The following PARVB variants were observed in gnomAD, a reference collection of about 807,000 sequenced individuals.
The protein encoded by PARVB is parvin beta.
Under a neutral mutation model 47.0 loss-of-function variants are expected in PARVB, and 46 were observed. That is an observed-to-expected ratio of 0.98 (90% CI 0.77 to 1.25). The LOEUF (loss-of-function observed/expected upper bound fraction) is 1.25, where lower values mean the gene tolerates loss of function less well. Among genes scored for constraint, PARVB ranks in the 50% most tolerant of loss-of-function variants. PARVB has a pLI of 0.00. For missense variants in PARVB, 473 were observed against 471.6 expected, an observed-to-expected ratio of 1.00 and a Z score of -0.03; for synonymous variants, 196 against 196.3, an observed-to-expected ratio of 1.00 and a Z score of 0.01.
At chr22:44,031,579 C>T (rs2146894179) in intron 1 of PARVB, 1 of 152,110 alleles carries the variant, frequency 6.6e-6, no homozygotes, top group Admixed American at 6.5e-5. Context: ...AGGGCAGGTT[C>T]TCGGTGGTTC....
At chr22:44,167,085 C>T (rs1485542921) in intron 12 of PARVB, among the ~76,000 whole-genome samples, 1 of 152,194 alleles carries the variant, frequency 6.6e-6, no homozygotes, top group Non-Finnish European at 1.5e-5. Flanking sequence ...GCCAGGCCTG[C>T]ACCTGGTTCC....
intron 2 of PARVB, among the ~76,000 whole-genome samples, chr22:44,016,868 CA>C (rs2050588681): frequency 6.6e-6 from 1 of 151,976 alleles, no homozygotes; most frequent in African/African-American, 2.4e-5. Flanking sequence ...TTTACTTCCC[CA>C]TTTTATTTTA....
chr22:44,007,323 G>A lies in PARVB; in HGVS notation c.211+7650G>A, dbSNP rs539814290. ...TCCTCCGAGAAGCCCATCCTTTCCC[G>A]TGCTGCTTTGCAGTTTAGCATGGGG... On this transcript the variant is annotated intron_variant, in intron 2 of 13. Coordinates refer to the PARVB transcript ENST00000406477. Among the ~76,000 whole-genome samples, 9 of 152,304 alleles carry A rather than the reference G, an allele frequency of 5.9e-5. No homozygotes were observed. In the East Asian group the frequency reaches 7.7e-4, roughly 13 times the overall value.
At chr22:44,040,145 CA>C (rs2050992663) in intron 1 of PARVB, among the ~76,000 whole-genome samples, 1 of 152,072 alleles carries the variant, frequency 6.6e-6, no homozygotes. Flanking sequence ...CAGCATTTGT[CA>C]AAACTCTGCA....
chr22:44,098,803 C>T (rs1022647853), intron 2 of PARVB, among the ~76,000 whole-genome samples: 1 of 152,062 alleles, frequency 6.6e-6, no homozygotes, highest in Non-Finnish European at 1.5e-5. Context: ...AAGCCATTTT[C>T]TTTCTTTCTT....
At position 44,054,864 on chromosome 22, in the gene PARVB, C is replaced by T. The variant is rs1470998545; in HGVS notation, c.112+30413C>T. 2.0e-5 allele frequency among the ~76,000 whole-genome samples: 3 copies of T among 151,594 alleles called. No individual in the cohort carries two copies. The East Asian group carries it at 5.8e-4, about 30-fold the overall frequency. The stretch of plus-strand genomic sequence containing the variant: ...AATTAGCCGGGTGTGGTGGTGGGCG[C>T]CTGTAATCCCAGCTGCTCGGGAGGC... On this transcript the variant is annotated intron_variant, in intron 1 of 12. Transcript: ENST00000338758.
In PARVB at chr22:44,172,799, G is replaced by C. The variant is rs1390679297; in HGVS notation, c.*4121G>C. 6 of 360,412 alleles carry C rather than the reference G, an allele frequency of 1.7e-5. No homozygotes were observed. The highest frequency in any genetic ancestry group is 5.0e-6 in the Non-Finnish European group (1 of 199,240). The allele number at this position is 360,412 out of a possible 1,614,324, so 22.3% of individuals were successfully genotyped here. ...GCCATGCTGTTTGTCAGGCCCACCT[G>C]GCTGAGTGCAGGAAGCAAGCGCTTT... is the stretch of plus-strand genomic sequence containing the variant. On this transcript the variant is annotated 3_prime_UTR_variant, in exon 13 of 13. Transcript: ENST00000338758.
chr22:44,025,312 G>A (rs1230610595), intron 1 of PARVB, among the ~76,000 whole-genome samples: 5 of 152,090 alleles, frequency 3.3e-5, no homozygotes, highest in Admixed American at 3.3e-4. Flanking sequence ...TATCCCCTGG[G>A]AACTCTTCCT....
At chr22:44,084,517 T>A (rs738482) in intron 1 of PARVB, among the ~76,000 whole-genome samples, 3 of 152,108 alleles carry the variant, frequency 2.0e-5, no homozygotes, top group African/African-American at 7.2e-5. Context: ...CACTGGCCAA[T>A]CCAAGAATAG....
intron 7 of PARVB, chr22:44,139,109 T>A (rs2053498950): frequency 6.6e-6 from 1 of 152,260 alleles, no homozygotes; most frequent in African/African-American, 2.4e-5. Flanking sequence ...CCTGGCCTCG[T>A]GGTTCTCCAG....
chr22:44,093,005 C>T (rs960721067), intron 1 of PARVB, among the ~76,000 whole-genome samples: 5 of 152,242 alleles, frequency 3.3e-5, no homozygotes, highest in Non-Finnish European at 7.3e-5. Flanking sequence ...TCAGGGACTG[C>T]TCCCCAGCGG....
At chr22:44,064,325 A>T (rs1248634643) in intron 1 of PARVB, among the ~76,000 whole-genome samples, 1 of 152,190 alleles carries the variant, frequency 6.6e-6, no homozygotes, top group East Asian at 1.9e-4. Flanking sequence ...TAACACAGGC[A>T]TGCGCCGTGC....
intron 11 of PARVB, among the ~76,000 whole-genome samples, chr22:44,159,172 T>C (rs948361476): frequency 1.8e-4 from 27 of 152,220 alleles, no homozygotes; most frequent in African/African-American, 6.3e-4. Flanking sequence ...ATCCTGGAAA[T>C]GAAAGGTCAG....
rs756743540 is a variant in PARVB, at chr22:44,119,026, C to T, written c.274-12C>T. 5.4e-5 allele frequency: 86 copies of T among 1,596,018 alleles called. No homozygotes were observed. The highest frequency in any genetic ancestry group is 6.7e-5 in the African/African-American group (5 of 74,576). ...TGGTGGACTGAGGCCATAATGCCTG[C>T]GTCTCCTGCAGGTCCTCCTCGACTG... On this transcript the variant is annotated splice_polypyrimidine_tract_variant and intron_variant, in intron 3 of 12. Transcript: ENST00000338758.
At chr22:44,038,377 G>T (rs1489359762) in intron 1 of PARVB, among the ~76,000 whole-genome samples, 1 of 152,174 alleles carries the variant, frequency 6.6e-6, no homozygotes, top group Non-Finnish European at 1.5e-5. Context: ...TGTGACCCTG[G>T]GGAAGGTACT....
At chr22:44,042,751 C>G (rs1744089788) in intron 1 of PARVB, among the ~76,000 whole-genome samples, 1 of 152,102 alleles carries the variant, frequency 6.6e-6, no homozygotes, top group Non-Finnish European at 1.5e-5. Context: ...TATTTTGTTT[C>G]TTTGCTTGGG....
At position 44,087,846 on chromosome 22, in the gene PARVB, G is replaced by GTTTTTTTT. The variant is rs57893038; in HGVS notation, c.113-6072_113-6065dup. Among the ~76,000 whole-genome samples, 84 of 121,230 alleles carry GTTTTTTTT rather than the reference G, an allele frequency of 6.9e-4. 1 individual carries two copies. Among genetic ancestry groups the GTTTTTTTT allele is most frequent in the African/African-American group, 1.2e-3 (36 of 30,162 alleles). 79.5% of individuals were successfully genotyped at this position (121,230 alleles called of 152,430 possible). On this transcript the variant is annotated intron_variant, in intron 1 of 12. Coordinates refer to ENST00000338758, the MANE Select transcript of PARVB (RefSeq NM_013327.5). ...GTAATTCCAAATCAGGAACGATGGT[G>GTTTTTTTT]TTTTTTTTTTTTTTTTTCTTTTTTC...
At chr22:44,005,154 C>T (rs2050451112) in intron 2 of PARVB, among the ~76,000 whole-genome samples, 1 of 152,170 alleles carries the variant, frequency 6.6e-6, no homozygotes, top group African/African-American at 2.4e-5. Context: ...GGCTGGAGTG[C>T]AGTGGCACAA....
rs962348167 is a variant in PARVB, at chr22:44,089,783, G to A, written c.113-4145G>A. 6.6e-6 allele frequency among the ~76,000 whole-genome samples: 1 copy of A among 152,198 alleles called. No homozygotes were observed. Among genetic ancestry groups the A allele is most frequent in the African/African-American group, 2.4e-5 (1 of 41,452 alleles). On this transcript the variant is annotated intron_variant, in intron 1 of 12. Transcript: ENST00000338758. This position sits in a 1 kb window ranked among gnomAD's most constrained non-coding sequence, Gnocchi z 4.0. ...GCAAAATATAGCAAGGCCCAGAAGG[G>A]CATCCCTCAAACCTTCATGGGGTTC... is the stretch of plus-strand genomic sequence containing the variant.
Sources: gnomAD v4.1 joint callset for allele counts (sites outside exome capture counted in the v4.1 genomes callset) on GRCh38, gnomAD v4.1.1 for gene constraint, Gnocchi (gnomAD v3.1) non-coding constraint, MANE v1.5 for transcripts, NCBI Gene and HGNC (gene_info 2026-07-23, HGNC 2026-07-21) for gene names.